HDX: variants seen among roughly 807,000 people sequenced by gnomAD.
HDX encodes chromosome X open reading frame 43.
Under a neutral mutation model 45.2 loss-of-function variants are expected in HDX, and 19 were observed. That is an observed-to-expected ratio of 0.42 (90% confidence interval 0.29 to 0.62). HDX has a LOEUF of 0.62. HDX is among the 20% of genes least tolerant of loss of function. The pLI is 0.20. For synonymous variants in HDX, 188 were observed against 172.8 expected (o/e 1.09, Z -0.69); for missense variants, 532 against 493.9 (o/e 1.08, Z -0.73).
intron 4 of HDX, among the ~76,000 whole-genome samples, chrX:84,459,385 T>G (rs1330226208): frequency 1.9e-5 from 2 of 107,235 alleles, no homozygotes; most frequent in Non-Finnish European, 3.8e-5. Flanking sequence ...GAGCGTGCAG[T>G]GAGCCGAGAT....
intron 5 of HDX, among the ~76,000 whole-genome samples, chrX:84,406,657 T>C (rs941824833): frequency 4.5e-5 from 5 of 111,426 alleles, no homozygotes; most frequent in African/African-American, 1.6e-4. Flanking sequence ...GAGATTATTA[T>C]GTCAAAATTA....
At chrX:84,484,060 A>G (rs2040741032) in intron 2 of HDX, among the ~76,000 whole-genome samples, 2 of 111,630 alleles carry the variant, frequency 1.8e-5, no homozygotes, top group African/African-American at 6.5e-5. Context: ...ACTTCCCTAC[A>G]TCTTTCTGTC....
intron 1 of HDX, among the ~76,000 whole-genome samples, chrX:84,495,182 T>C (rs2040975507): frequency 9.1e-6 from 1 of 110,187 alleles, no homozygotes; most frequent in African/African-American, 3.3e-5. Context: ...AGAATGGTAG[T>C]TATCAAGGCT....
chrX:84,499,980 T>A (rs146869938), intron 1 of HDX: 1 of 112,299 alleles, frequency 8.9e-6, no homozygotes, highest in Non-Finnish European at 1.9e-5. Flanking sequence ...GTAATTTGTG[T>A]ATTTTTAAAG....
At chrX:84,326,014 T>A (rs1166548782) in intron 10 of HDX, among the ~76,000 whole-genome samples, 164 bp downstream of exon 10, 1 of 111,728 alleles carries the variant, frequency 9.0e-6, no homozygotes, top group Non-Finnish European at 1.9e-5. Flanking sequence ...AATCTGAGCA[T>A]CTATTCTCAA....
At chrX:84,386,468 G>T (rs1415136778) in intron 5 of HDX, among the ~76,000 whole-genome samples, 2 of 111,467 alleles carry the variant, frequency 1.8e-5, no homozygotes, top group Non-Finnish European at 3.8e-5. Flanking sequence ...TTCAGCAGTG[G>T]ATCCATCTGA....
intron 3 of HDX, 25 bp from the exon 4 acceptor site, chrX:84,469,600 T>TG: frequency 9.0e-7 from 1 of 1,110,030 alleles, no homozygotes; most frequent in African/African-American, 1.9e-5. Flanking sequence ...CATGGTATTA[T>TG]GAAAAAAAAA....
chrX:84,439,293 G>T (rs753108974), intron 5 of HDX, among the ~76,000 whole-genome samples: 1 of 110,859 alleles, frequency 9.0e-6, no homozygotes, highest in Non-Finnish European at 1.9e-5. Flanking sequence ...TGTAGATTCC[G>T]GCTGTTAGAC....
At chrX:84,384,403 T>C (rs2038258970) in intron 5 of HDX, among the ~76,000 whole-genome samples, 1 of 111,296 alleles carries the variant, frequency 9.0e-6, no homozygotes, top group African/African-American at 3.3e-5. Flanking sequence ...GTTTAAGTTT[T>C]TTAGATTCTA....
At position 84,502,429 on chromosome X, in the gene HDX, G is replaced by T. The variant is rs2148225736; in HGVS notation, c.-197C>A. ...GGCGGATTCAGCGAGATTTTTCCTG[G>T]GTCTCCAGTGCCGCTTCAGACAATG... is the stretch of plus-strand genomic sequence containing the variant. On this transcript the variant is annotated 5_prime_UTR_variant, in exon 1 of 11. Transcript: ENST00000373177. 1 of 111,377 alleles carries T rather than the reference G, an allele frequency of 9.0e-6. No homozygotes were observed. Among genetic ancestry groups the T allele is most frequent in the East Asian group, 2.8e-4 (1 of 3,510 alleles). The allele number at this position is 111,377 out of a possible 1,213,427, so 9.2% of individuals were successfully genotyped here. A position where few individuals can be genotyped will look rare whatever the true frequency, so the allele number is the denominator to read the frequency against.
At chrX:84,488,862 T>A in intron 1 of HDX, among the ~76,000 whole-genome samples, 1 of 111,997 alleles carries the variant, frequency 8.9e-6, no homozygotes, top group Admixed American at 9.5e-5. Context: ...ATACGGTGTC[T>A]GTCTCTTCAT....
intron 2 of HDX, among the ~76,000 whole-genome samples, chrX:84,481,733 A>T (rs2040684426): frequency 9.1e-6 from 1 of 110,443 alleles, no homozygotes; most frequent in Admixed American, 9.7e-5. Context: ...TTACTTTTAG[A>T]TTCAGGATGT....
At chrX:84,359,757 G>A (rs2037574042) in intron 6 of HDX, among the ~76,000 whole-genome samples, 1 of 111,356 alleles carries the variant, frequency 9.0e-6, no homozygotes, top group African/African-American at 3.3e-5. Context: ...AAGTCTTTGA[G>A]GAATCACCAC....
At chrX:84,455,798 G>T (rs2040100179) in intron 4 of HDX, among the ~76,000 whole-genome samples, 1 of 111,619 alleles carries the variant, frequency 9.0e-6, no homozygotes, top group African/African-American at 3.3e-5. Context: ...CAAAAGTCAA[G>T]GATAAAAAAG....
intron 2 of HDX, among the ~76,000 whole-genome samples, chrX:84,479,630 T>A (rs1406179152): frequency 7.1e-5 from 8 of 112,065 alleles, no homozygotes; most frequent in Non-Finnish European, 1.3e-4. Context: ...GTTGTTAACC[T>A]GTTTTCAAAA....
chrX:84,500,230 C>T (rs1262635086), intron 1 of HDX: 2 of 110,316 alleles, frequency 1.8e-5, no homozygotes, highest in Admixed American at 9.7e-5. Context: ...CTTGCCTGAC[C>T]AACGATGAAT....
At chrX:84,355,208 G>A (rs139017829) in intron 6 of HDX, among the ~76,000 whole-genome samples, 114 of 109,107 alleles carry the variant, frequency 1.0e-3, no homozygotes, top group Non-Finnish European at 1.8e-3. Context: ...TTTAAGTCCC[G>A]CAAAATGTAT....
chrX:84,400,702 C>A (rs1463687592), intron 5 of HDX, among the ~76,000 whole-genome samples: 1 of 111,353 alleles, frequency 9.0e-6, no homozygotes, highest in Non-Finnish European at 1.9e-5. Flanking sequence ...AGAAAAACTA[C>A]TTTAAATTCC....
intron 1 of HDX, among the ~76,000 whole-genome samples, chrX:84,494,164 A>G (rs1459331222): frequency 8.9e-6 from 1 of 112,189 alleles, no homozygotes; most frequent in Non-Finnish European, 1.9e-5. Context: ...CATACAAAAT[A>G]TATGACAGTG....
Sources: allele counts gnomAD v4.1 joint callset (sites outside exome capture counted in the v4.1 genomes callset), GRCh38; gene constraint gnomAD v4.1.1; transcripts MANE v1.5; gene names NCBI Gene and HGNC (gene_info 2026-07-23, HGNC 2026-07-21).